The following SASH1 variants were observed in gnomAD, a reference collection of about 807,000 sequenced individuals.
The protein encoded by SASH1 is SAM and SH3 domain containing 1.
A neutral mutation model predicts 125.2 loss-of-function variants in SASH1; 44 were observed. The observed-to-expected ratio is 0.35, with a 90% confidence interval of 0.28 to 0.45. The LOEUF (loss-of-function observed/expected upper bound fraction) is 0.45, where lower values mean the gene tolerates loss of function less well. Among genes scored for constraint, SASH1 ranks in the 20% least tolerant of loss-of-function variants. The probability of loss-of-function intolerance (pLI) is 1.00; values close to 1 mark genes in which losing one functional copy is unlikely to be tolerated. For missense variants in SASH1, 1,426 were observed against 1,614.5 expected (o/e 0.88, Z 2.00); for synonymous variants, 639 against 649.1 (o/e 0.98, Z 0.24).
At chr6:148,412,676 A>T (rs527939925) in intron 2 of SASH1, among the ~76,000 whole-genome samples, 1 of 152,194 alleles carries the variant, frequency 6.6e-6, no homozygotes, top group Admixed American at 6.5e-5. Context: ...GCAAGAACCC[A>T]GTCATTACCA....
upstream of SASH1, among the ~76,000 whole-genome samples, chr6:148,342,109 C>G (rs573197914): frequency 2.0e-4 from 30 of 152,142 alleles, no homozygotes; most frequent in Admixed American, 6.5e-4. Flanking sequence ...TAATTAAAAC[C>G]CAAAGCGCAT....
chr6:148,458,367 G>A (rs1777455875), intron 4 of SASH1, among the ~76,000 whole-genome samples: 2 of 152,242 alleles, frequency 1.3e-5, no homozygotes, highest in South Asian at 4.1e-4. Flanking sequence ...TAACTTCAAG[G>A]GAGTCTGGGG....
chr6:148,349,556 G>A (rs929666218), intron 1 of SASH1, among the ~76,000 whole-genome samples: 32 of 152,018 alleles, frequency 2.1e-4, no homozygotes, highest in African/African-American at 7.7e-4. Context: ...GAGCCACGAC[G>A]CCCGCCCGGC....
At chr6:148,465,740 TA>T (rs1184335727) in intron 4 of SASH1, among the ~76,000 whole-genome samples, 2 of 151,942 alleles carry the variant, frequency 1.3e-5, no homozygotes, top group Non-Finnish European at 2.9e-5. Flanking sequence ...TAAGATTTTT[TA>T]AAAAAATTAA....
At chr6:148,535,008 G>T in intron 16 of SASH1, 107 bp downstream of exon 16, 1 of 1,176,008 alleles carries the variant, frequency 8.5e-7, no homozygotes. Flanking sequence ...ATTCTGTCCT[G>T]TTCTTTCTGT....
intron 8 of SASH1, chr6:148,513,861 G>A (rs555343340): frequency 2.9e-5 from 29 of 986,114 alleles, no homozygotes; most frequent in South Asian, 4.7e-5. Flanking sequence ...TTTGATTTTC[G>A]GGGGAGGGCT....
chr6:148,309,084 CAAAA>C (rs10652144), intron 1 of SASH1, among the ~76,000 whole-genome samples: 1 of 101,120 alleles, frequency 9.9e-6, no homozygotes. Context: ...ACTCTGTCTC[CAAAA>C]AAAAAAAAAA....
intron 1 of SASH1, among the ~76,000 whole-genome samples, chr6:148,303,565 G>A (rs959165165): frequency 2.0e-5 from 3 of 152,020 alleles, no homozygotes; most frequent in African/African-American, 7.2e-5. Context: ...TGGAGGCTGA[G>A]GCAGGCAGAT....
intron 4 of SASH1, among the ~76,000 whole-genome samples, chr6:148,442,492 G>A (rs1776585629): frequency 6.6e-6 from 1 of 151,890 alleles, no homozygotes; most frequent in African/African-American, 2.4e-5. Context: ...TGGGCCACCA[G>A]TTGTTGACAT....
In SASH1 at chr6:148,533,112, A is replaced by G. The variant is rs1451505491; in HGVS notation, c.1734+146A>G. On this transcript the variant is annotated intron_variant, in intron 14 of 19. Coordinates refer to ENST00000367467, the MANE Select transcript of SASH1 (RefSeq NM_015278.5). This position sits in a 1 kb window ranked among gnomAD's most constrained non-coding sequence, Gnocchi z 6.2. The stretch of plus-strand genomic sequence containing the variant: ...TACCTCGATCACTGGTCTCCTCTGT[A>G]GTGAAAAACAGAACAAGAACCAGCC... The G allele has an allele frequency of 4.5e-6, 4 of 886,816 alleles. No individual in the cohort carries two copies. The African/African-American group carries it at 6.7e-5, about 15-fold the overall frequency. The allele number at this position is 886,816 out of a possible 1,614,324, so 54.9% of individuals were successfully genotyped here. A position where few individuals can be genotyped will look rare whatever the true frequency, so the allele number is the denominator to read the frequency against.
At chr6:148,433,446 G>A (rs1436433976) in intron 2 of SASH1, among the ~76,000 whole-genome samples, 3 of 128,768 alleles carry the variant, frequency 2.3e-5, no homozygotes, top group African/African-American at 6.0e-5. Flanking sequence ...TCTCTTTGTC[G>A]CCCAGGGTGG....
rs187065299 is a variant in SASH1 at position 148,430,905 on chromosome 6, T to C, written c.286-9279T>C. Among the ~76,000 whole-genome samples, 647 of 152,232 alleles carry C rather than the reference T, an allele frequency of 4.3e-3. 4 individuals carry two copies. The highest frequency in any genetic ancestry group is 7.9e-3 in the South Asian group (38 of 4,822). ...GACACCACTTATAGCCCTTTTAGAGTAAAAAAGGACCCTAAAGATTATCAA... is the reference window on the plus strand; with the variant it reads ...GACACCACTTATAGCCCTTTTAGAGCAAAAAAGGACCCTAAAGATTATCAA... On this transcript the variant is annotated intron_variant, in intron 2 of 19. Transcript: ENST00000367467.
intron 8 of SASH1, among the ~76,000 whole-genome samples, chr6:148,510,843 A>G (rs1780074587): frequency 6.6e-6 from 1 of 151,940 alleles, no homozygotes; most frequent in Non-Finnish European, 1.5e-5. Flanking sequence ...CAAAAATACA[A>G]AAATTAGCTG....
chr6:148,487,826 G>A, intron 8 of SASH1, 111 bp downstream of exon 8: 1 of 672,800 alleles, frequency 1.5e-6, no homozygotes, highest in South Asian at 1.9e-5. Flanking sequence ...ACCTGGGTCT[G>A]CAAAGAGGTG....
chr6:148,366,012 C>A (rs185584325), intron 1 of SASH1, among the ~76,000 whole-genome samples: 409 of 152,064 alleles, frequency 2.7e-3, no homozygotes, highest in African/African-American at 9.4e-3. Flanking sequence ...ACTCAGGAGG[C>A]TGAGACAGGA....
At chr6:148,522,791 G>A (rs775657993) in intron 10 of SASH1, among the ~76,000 whole-genome samples, 2 of 152,120 alleles carry the variant, frequency 1.3e-5, no homozygotes, top group African/African-American at 4.8e-5. Flanking sequence ...GGTCATCAAC[G>A]TCAAGGGCTG....
intron 2 of SASH1, among the ~76,000 whole-genome samples, chr6:148,404,601 C>G (rs1197902166): frequency 8.7e-5 from 12 of 138,232 alleles, no homozygotes; most frequent in African/African-American, 3.3e-4. Flanking sequence ...GCCCCACCCC[C>G]AGCCCAGCAC....
chr6:148,228,139 T>C, the SASH1 span, among the ~76,000 whole-genome samples: 1 of 152,316 alleles, frequency 6.6e-6, no homozygotes, highest in African/African-American at 2.4e-5. Context: ...TCATGAATAA[T>C]TGAAGTCGAT....
At chr6:148,204,949 C>T in the SASH1 span, among the ~76,000 whole-genome samples, 19 of 152,034 alleles carry the variant, frequency 1.2e-4, no homozygotes, top group East Asian at 1.9e-4. Context: ...GACTTTTTTC[C>T]GAGAAGGCTG....
Sources: allele counts gnomAD v4.1 joint callset (sites outside exome capture counted in the v4.1 genomes callset), GRCh38; gene constraint gnomAD v4.1.1; non-coding constraint Gnocchi (gnomAD v3.1); transcripts MANE v1.5; gene names NCBI Gene and HGNC (gene_info 2026-07-23, HGNC 2026-07-21).